Variants in SVIL observed in about 807,000 individuals in gnomAD.
The protein encoded by SVIL is supervillin.
SVIL carries 101 observed loss-of-function variants against 240.4 expected under a neutral mutation model. The ratio of observed to expected loss-of-function variants is 0.42; its 90% CI spans 0.36 to 0.50. The LOEUF is 0.50. Ranked by LOEUF, SVIL falls within the 20% of genes least tolerant of loss-of-function variation. The pLI, the probability that SVIL is intolerant of heterozygous loss-of-function variation, is 0.01. For missense variants in SVIL, 2,512 were observed against 2,818.7 expected, an observed-to-expected ratio of 0.89 and a Z score of 2.46; for synonymous variants, 999 against 1,100.0, an observed-to-expected ratio of 0.91 and a Z score of 1.82.
intron 1 of SVIL, among the ~76,000 whole-genome samples, chr10:29,586,011 G>A (rs532429436): frequency 2.0e-5 from 3 of 152,326 alleles, no homozygotes; most frequent in East Asian, 1.9e-4. Flanking sequence ...GCATCTGAAC[G>A]AGCATTTCAG....
intron 6 of SVIL, among the ~76,000 whole-genome samples, chr10:29,537,147 G>A (rs1358075518): frequency 1.3e-5 from 2 of 151,956 alleles, no homozygotes; most frequent in Admixed American, 1.3e-4. Flanking sequence ...AAGTCAATGG[G>A]ATCACATTTT....
At chr10:29,479,806 T>C (rs1946627839) in intron 29 of SVIL, among the ~76,000 whole-genome samples, 1 of 152,200 alleles carries the variant, frequency 6.6e-6, no homozygotes, top group South Asian at 2.1e-4. Flanking sequence ...TACTCTCTTC[T>C]GAGTTGAAAT....
intron 12 of SVIL, 118 bp downstream of exon 12, chr10:29,529,587 T>G (rs575999296): frequency 8.0e-7 from 1 of 1,247,818 alleles, no homozygotes; most frequent in East Asian, 2.8e-5. Flanking sequence ...TACTAACTTC[T>G]CTGTGGCTTC....
intron 1 of SVIL, among the ~76,000 whole-genome samples, chr10:29,729,190 T>C (rs1355201186): frequency 3.9e-5 from 6 of 152,070 alleles, no homozygotes; most frequent in South Asian, 4.2e-4. Context: ...GACCATGATG[T>C]TGGGGGGACA....
chr10:29,598,317 C>G (rs754490071), intron 1 of SVIL, among the ~76,000 whole-genome samples: 1 of 152,074 alleles, frequency 6.6e-6, no homozygotes, highest in Non-Finnish European at 1.5e-5. Flanking sequence ...TGTGGATATA[C>G]TGATATTTAA....
At chr10:29,689,519 C>T (rs1412614762) in intron 1 of SVIL, among the ~76,000 whole-genome samples, 7 of 152,282 alleles carry the variant, frequency 4.6e-5, no homozygotes, top group African/African-American at 1.4e-4. Flanking sequence ...CTCCTGACCT[C>T]GTGATCTGCC....
At chr10:29,722,484 T>A (rs984835742) in intron 1 of SVIL, among the ~76,000 whole-genome samples, 3 of 152,122 alleles carry the variant, frequency 2.0e-5, no homozygotes, top group African/African-American at 7.2e-5. Flanking sequence ...TCAATACAAC[T>A]GTTTAAAGAA....
At chr10:29,608,768 G>C (rs980304516) in intron 1 of SVIL, among the ~76,000 whole-genome samples, 1 of 152,220 alleles carries the variant, frequency 6.6e-6, no homozygotes, top group Non-Finnish European at 1.5e-5. Context: ...TGCGTGCCAT[G>C]GATGGCATGT....
At chr10:29,532,432 A>G in intron 8 of SVIL, 97 bp downstream of exon 8, 1 of 1,485,922 alleles carries the variant, frequency 6.7e-7, no homozygotes, top group Non-Finnish European at 8.9e-7. Flanking sequence ...CTAAGCTAAT[A>G]TGATTCAATG....
chr10:29,588,566 A>T (rs1956262591), intron 1 of SVIL, among the ~76,000 whole-genome samples: 1 of 152,220 alleles, frequency 6.6e-6, no homozygotes, highest in Non-Finnish European at 1.5e-5. Flanking sequence ...ATTGATTTTT[A>T]ATTTACACTA....
intron 6 of SVIL, among the ~76,000 whole-genome samples, chr10:29,545,888 A>G (rs1952639469): frequency 6.6e-6 from 1 of 151,384 alleles, no homozygotes; most frequent in African/African-American, 2.4e-5. Flanking sequence ...AAGAAAAAGA[A>G]AAAAGAAAGA....
chr10:29,673,577 G>A lies in SVIL; in HGVS notation c.-301+12976C>T, dbSNP rs373559467. On this transcript the variant is annotated intron_variant, in intron 2 of 35. Coordinates refer to the SVIL transcript ENST00000375400. ...CAAGGCACGTCTTACATGGCATTAG[G>A]GGGGAGAGAGAGAGAGAGAGAGAGA... is the stretch of plus-strand genomic sequence containing the variant. 2.2e-3 allele frequency among the ~76,000 whole-genome samples: 295 copies of A among 132,356 alleles called. 1 individual carries two copies. Among genetic ancestry groups the A allele is most frequent in the African/African-American group, 6.9e-3 (232 of 33,694 alleles). The allele number at this position is 132,356 out of a possible 152,430, so 86.8% of individuals were successfully genotyped here.
intron 16 of SVIL, among the ~76,000 whole-genome samples, chr10:29,519,477 A>G (rs1403503415): frequency 1.3e-5 from 2 of 152,200 alleles, no homozygotes; most frequent in Non-Finnish European, 2.9e-5. Context: ...AGCCCAAATA[A>G]ATGGAGGAAT....
chr10:29,487,127 T>C, intron 24 of SVIL, 36 bp downstream of exon 24: 2 of 1,610,004 alleles, frequency 1.2e-6, no homozygotes, highest in Non-Finnish European at 1.7e-6. Flanking sequence ...GTAAAGGAGA[T>C]GTTAGCTAAA....
chr10:29,708,387 G>A lies in SVIL; in HGVS notation c.-399-21736C>T, dbSNP rs535083438. The stretch of plus-strand genomic sequence containing the variant: ...TGTAATCCCAGCACTTTGGGAGGCC[G>A]AGGTGGGCGGATCACCTGAGGTCAG... On this transcript the variant is annotated intron_variant, in intron 1 of 35. Transcript: ENST00000375400. 1.6e-3 allele frequency among the ~76,000 whole-genome samples: 248 copies of A among 152,002 alleles called. 4 individuals are homozygous for A. Among genetic ancestry groups the A allele is most frequent in the South Asian group, 0.012 (56 of 4,824 alleles).
At position 29,734,609 on chromosome 10, in the gene SVIL, G is replaced by A. The variant is rs534561518; in HGVS notation, c.-400+1142C>T. 3.7e-4 allele frequency among the ~76,000 whole-genome samples: 57 copies of A among 152,184 alleles called. 1 individual carries two copies. In the South Asian group the frequency reaches 0.011, roughly 30 times the overall value. Reference sequence around the variant, plus strand: ...GTCCATTAGCCCTTCATAAAAACCAGTGCCTGCCCTTTCCTTCCAACAGAA... The same window carrying A: ...GTCCATTAGCCCTTCATAAAAACCAATGCCTGCCCTTTCCTTCCAACAGAA... On this transcript the variant is annotated intron_variant, in intron 1 of 35. Transcript: ENST00000375400.
At chr10:29,471,853 A>G (rs1945621904) in intron 30 of SVIL, among the ~76,000 whole-genome samples, 1 of 152,256 alleles carries the variant, frequency 6.6e-6, no homozygotes. Context: ...ACTGAGAGAA[A>G]GCATTTCTCA....
intron 2 of SVIL, among the ~76,000 whole-genome samples, chr10:29,674,869 C>A (rs1199167431): frequency 6.6e-6 from 1 of 152,182 alleles, no homozygotes; most frequent in Non-Finnish European, 1.5e-5. Flanking sequence ...AAGGCAGCAA[C>A]AGCCCTGAAG....
intron 1 of SVIL, among the ~76,000 whole-genome samples, chr10:29,610,532 C>T (rs1957206158): frequency 6.6e-6 from 1 of 150,514 alleles, no homozygotes; most frequent in Admixed American, 6.7e-5. Context: ...CTCACTGCAA[C>T]CTCCACTTCC....
Sources: allele counts gnomAD v4.1 joint callset (sites outside exome capture counted in the v4.1 genomes callset), GRCh38; gene constraint gnomAD v4.1.1; transcripts MANE v1.5; gene names NCBI Gene and HGNC (gene_info 2026-07-23, HGNC 2026-07-21).